SYN3: variants seen among roughly 807,000 people sequenced by gnomAD.
The protein encoded by SYN3 is synapsin III.
In SYN3, 35 loss-of-function variants were observed where a neutral mutation model predicts 65.8. That is an observed-to-expected ratio of 0.53 (90% CI 0.41 to 0.70). The LOEUF (loss-of-function observed/expected upper bound fraction) is 0.70. SYN3 is among the 30% of genes least tolerant of loss of function. The pLI, the probability that SYN3 is intolerant of heterozygous loss-of-function variation, is 0.00. For synonymous variants in SYN3, 270 were observed against 292.9 expected, an observed-to-expected ratio of 0.92 and a Z score of 0.80; for missense variants, 680 against 749.0, an observed-to-expected ratio of 0.91 and a Z score of 1.08.
chr22:32,674,986 C>T (rs2060420077), intron 6 of SYN3, among the ~76,000 whole-genome samples: 2 of 152,176 alleles, frequency 1.3e-5, no homozygotes, highest in South Asian at 4.1e-4. Flanking sequence ...AACAGATGTA[C>T]CCCTTGTCAC....
At chr22:32,958,564 G>A (rs1247712627) in intron 3 of SYN3, among the ~76,000 whole-genome samples, 1 of 152,164 alleles carries the variant, frequency 6.6e-6, no homozygotes, top group Non-Finnish European at 1.5e-5. Context: ...TACTATATTT[G>A]TATTAGATTT....
At chr22:32,648,708 C>T (rs938777135) in intron 6 of SYN3, among the ~76,000 whole-genome samples, 1 of 152,348 alleles carries the variant, frequency 6.6e-6, no homozygotes, top group Non-Finnish European at 1.5e-5. Context: ...TGGGAACGTA[C>T]TACCTCTTGA....
intron 6 of SYN3, among the ~76,000 whole-genome samples, chr22:32,792,394 C>T: frequency 6.6e-6 from 1 of 152,160 alleles, no homozygotes; most frequent in Non-Finnish European, 1.5e-5. Flanking sequence ...CTGATTTACT[C>T]AAGGTCACAC....
chr22:32,751,465 C>T (rs1397345335), intron 6 of SYN3, among the ~76,000 whole-genome samples: 4 of 152,078 alleles, frequency 2.6e-5, no homozygotes, highest in East Asian at 3.9e-4. Context: ...AGTCCAGGTG[C>T]GGGTGGTCAT....
intron 3 of SYN3, among the ~76,000 whole-genome samples, chr22:32,944,687 T>G (rs192103643): frequency 6.6e-6 from 1 of 152,348 alleles, no homozygotes; most frequent in Non-Finnish European, 1.5e-5. Context: ...TTGGAAGTTC[T>G]GGCCAGGGCA....
At chr22:32,753,235 G>A (rs961916647) in intron 6 of SYN3, among the ~76,000 whole-genome samples, 6 of 152,160 alleles carry the variant, frequency 3.9e-5, no homozygotes, top group African/African-American at 1.2e-4. Flanking sequence ...CAAAGGTCAC[G>A]GGTCCTGTGG....
intron 6 of SYN3, among the ~76,000 whole-genome samples, chr22:32,796,218 A>G (rs1214023784): frequency 2.0e-5 from 3 of 152,190 alleles, no homozygotes; most frequent in Non-Finnish European, 4.4e-5. Context: ...ACATACATAC[A>G]CACACATACA....
intron 6 of SYN3, among the ~76,000 whole-genome samples, chr22:32,739,474 G>T (rs1047191631): frequency 1.3e-5 from 2 of 151,816 alleles, no homozygotes; most frequent in Admixed American, 6.6e-5. Context: ...CCCAGCAGTG[G>T]CTACTACCTT....
In SYN3 at chr22:33,016,999, AT is replaced by A. The variant is rs1454110686; in HGVS notation, c.-162-10176del. On this transcript the variant is annotated intron_variant, in intron 1 of 13. Coordinates refer to ENST00000358763, the MANE Select transcript of SYN3 (RefSeq NM_003490.4). The stretch of plus-strand genomic sequence containing the variant: ...TAATTGCCCAGACCAATGTCATGGA[AT>A]TTTCCCCCTTTGTTTTCTTTTAGTA... Among the ~76,000 whole-genome samples the A allele has an allele frequency of 4.6e-5, 7 of 152,214 alleles. 1 individual carries two copies. The highest frequency in any genetic ancestry group is 3.9e-4 in the East Asian group (2 of 5,188).
rs1050645419 is a variant in SYN3 at position 32,511,249 on chromosome 22, A to G, written c.*2443T>C. The stretch of plus-strand genomic sequence containing the variant: ...CAGCAGGAGGATGAAGCAAAGTTCT[A>G]CCGGATTATAAATGGTCTGATCTAT... On this transcript the variant is annotated 3_prime_UTR_variant, in exon 14 of 14. Transcript: ENST00000358763. 3.9e-5 allele frequency among the ~76,000 whole-genome samples: 6 copies of G among 152,166 alleles called. No homozygotes were observed. Among genetic ancestry groups the G allele is most frequent in the Admixed American group, 3.9e-4 (6 of 15,282 alleles).
intron 3 of SYN3, among the ~76,000 whole-genome samples, chr22:32,936,552 C>T (rs551518430): frequency 1.3e-5 from 2 of 152,284 alleles, no homozygotes; most frequent in South Asian, 2.1e-4. Flanking sequence ...CTATGTCTTT[C>T]GCTGAGTAAC....
intron 6 of SYN3, among the ~76,000 whole-genome samples, chr22:32,779,225 C>T (rs2045976098): frequency 6.6e-6 from 1 of 151,944 alleles, no homozygotes; most frequent in African/African-American, 2.4e-5. Flanking sequence ...TTTGGGAGGC[C>T]GAGGTGGGTG....
chr22:32,836,215 C>A (rs951158381), intron 6 of SYN3, among the ~76,000 whole-genome samples: 1 of 152,162 alleles, frequency 6.6e-6, no homozygotes, highest in Non-Finnish European at 1.5e-5. Context: ...GTGTGTCTGT[C>A]TTGTTCACTT....
intron 4 of SYN3, among the ~76,000 whole-genome samples, chr22:32,913,962 C>A (rs1397253725): frequency 6.6e-6 from 1 of 152,152 alleles, no homozygotes; most frequent in Non-Finnish European, 1.5e-5. Context: ...ATAATCGTAG[C>A]TAAGATTTAT....
chr22:33,004,475 T>C (rs1173743051), intron 2 of SYN3, among the ~76,000 whole-genome samples: 1 of 152,192 alleles, frequency 6.6e-6, no homozygotes, highest in African/African-American at 2.4e-5. Flanking sequence ...TAGGATTTAA[T>C]TACTACCTCA....
At chr22:32,736,318 T>C (rs543743117) in intron 6 of SYN3, among the ~76,000 whole-genome samples, 1 of 152,346 alleles carries the variant, frequency 6.6e-6, no homozygotes, top group South Asian at 2.1e-4. Context: ...AATTTTGTCT[T>C]TGCTAGAGTT....
intron 1 of SYN3, among the ~76,000 whole-genome samples, chr22:33,044,635 C>T (rs897537922): frequency 6.6e-6 from 1 of 151,816 alleles, no homozygotes; most frequent in Non-Finnish European, 1.5e-5. Flanking sequence ...CAACTTTCTC[C>T]AAGTCGGAAT....
intron 1 of SYN3, among the ~76,000 whole-genome samples, chr22:33,008,106 A>G (rs1212506131): frequency 6.6e-6 from 1 of 151,684 alleles, no homozygotes; most frequent in Non-Finnish European, 1.5e-5. Context: ...CCACCTAATT[A>G]TTGTATTTTT....
At chr22:32,965,557 T>C (rs2051807726) in intron 3 of SYN3, among the ~76,000 whole-genome samples, 1 of 151,782 alleles carries the variant, frequency 6.6e-6, no homozygotes, top group Non-Finnish European at 1.5e-5. Context: ...TGTGTGTGTG[T>C]GTGTGTGTGT....
Sources: allele counts gnomAD v4.1 joint callset (sites outside exome capture counted in the v4.1 genomes callset), GRCh38; gene constraint gnomAD v4.1.1; transcripts MANE v1.5; gene names NCBI Gene and HGNC (gene_info 2026-07-23, HGNC 2026-07-21).